Variants in SCML4 observed in about 807,000 individuals in gnomAD.
SCML4 encodes the protein sex comb on midleg-like protein 4.
In SCML4, 34 loss-of-function variants were observed where a neutral mutation model predicts 41.1. That is an observed-to-expected ratio of 0.83 (90% CI 0.63 to 1.10). The LOEUF (loss-of-function observed/expected upper bound fraction) is 1.10. SCML4 is among the 50% of genes least tolerant of loss of function. The pLI is 0.00. For missense variants in SCML4, 522 were observed against 534.1 expected (o/e 0.98, Z 0.22); for synonymous variants, 214 against 220.9 (o/e 0.97, Z 0.28).
chr6:107,831,837 A>G, the SCML4 span, among the ~76,000 whole-genome samples: 1 of 152,130 alleles, frequency 6.6e-6, no homozygotes, highest in Admixed American at 6.5e-5. Flanking sequence ...GAGGATCACA[A>G]GGTCAGGAGA....
intron 5 of SCML4, among the ~76,000 whole-genome samples, chr6:107,729,018 G>T (rs4945787): frequency 0.81 from 123,156 of 152,138 alleles, 50,090 homozygotes; most frequent in Admixed American, 0.87. Flanking sequence ...ACAGATGCAT[G>T]GATGGCCCTC....
At chr6:107,721,054 C>G (rs1424099523) in intron 5 of SCML4, 61 bp from the exon 6 acceptor site, 39 of 1,515,142 alleles carry the variant, frequency 2.6e-5, no homozygotes, top group Non-Finnish European at 3.3e-5. Context: ...AGCTATCAGA[C>G]CCTCCGTCTT....
intron 2 of SCML4, among the ~76,000 whole-genome samples, chr6:107,753,481 G>A (rs1334004231): frequency 6.6e-6 from 1 of 152,180 alleles, no homozygotes; most frequent in African/African-American, 2.4e-5. Context: ...TGGGAATGGG[G>A]AGTTATTGCT....
At chr6:107,806,219 A>C (rs1783721463) in intron 1 of SCML4, among the ~76,000 whole-genome samples, 3 of 150,510 alleles carry the variant, frequency 2.0e-5, no homozygotes, top group Admixed American at 2.0e-4. Context: ...GCAAGGGCTC[A>C]GCCTGACAAT....
chr6:107,767,834 C>T (rs901436117), intron 2 of SCML4, among the ~76,000 whole-genome samples: 1 of 152,076 alleles, frequency 6.6e-6, no homozygotes, highest in Admixed American at 6.5e-5. Flanking sequence ...TGTGTGACTT[C>T]GAGAATTGAG....
At chr6:107,711,355 C>T (rs1774194022) in intron 6 of SCML4, among the ~76,000 whole-genome samples, 1 of 152,066 alleles carries the variant, frequency 6.6e-6, no homozygotes, top group African/African-American at 2.4e-5. Flanking sequence ...GACGGTGGTC[C>T]CATAAGATGA....
At chr6:107,748,982 C>T (rs772431972) in intron 3 of SCML4, among the ~76,000 whole-genome samples, 11 of 152,164 alleles carry the variant, frequency 7.2e-5, no homozygotes, top group Non-Finnish European at 1.6e-4. Context: ...TGGGGTGACC[C>T]ACAGGGTGGA....
chr6:107,778,225 ATATATATAT>A (rs1781182145), intron 1 of SCML4, among the ~76,000 whole-genome samples: 9 of 6,330 alleles, frequency 1.4e-3, no homozygotes, highest in African/African-American at 2.1e-3. Flanking sequence ...AAAAAAAAAT[ATATATATAT>A]ATATATATAT....
chr6:107,793,731 G>A (rs1359836899), intron 1 of SCML4, among the ~76,000 whole-genome samples: 1 of 152,192 alleles, frequency 6.6e-6, no homozygotes, highest in Non-Finnish European at 1.5e-5. Flanking sequence ...TGGATCGCTT[G>A]AGCCCTGGAG....
chr6:107,821,026 G>T (rs1784911001), intron 1 of SCML4, among the ~76,000 whole-genome samples: 1 of 152,302 alleles, frequency 6.6e-6, no homozygotes, highest in East Asian at 1.9e-4. Flanking sequence ...TTTGCCAAAA[G>T]ACCAATTGTT....
At chr6:107,781,890 T>C (rs1781527964) in intron 1 of SCML4, among the ~76,000 whole-genome samples, 1 of 151,938 alleles carries the variant, frequency 6.6e-6, no homozygotes, top group Non-Finnish European at 1.5e-5. Flanking sequence ...TGGATGGGGG[T>C]ACAAGGAGCT....
intron 6 of SCML4, among the ~76,000 whole-genome samples, chr6:107,712,620 A>G (rs1349234441): frequency 3.3e-5 from 5 of 152,268 alleles, no homozygotes; most frequent in East Asian, 3.9e-4. Context: ...TTAGTCATAC[A>G]AGACAGAGGG....
chr6:107,720,553 C>T (rs376883679), intron 6 of SCML4, 150 bp downstream of exon 6: 7 of 1,419,740 alleles, frequency 4.9e-6, no homozygotes, highest in Non-Finnish European at 6.4e-6. Context: ...TTGAGAACCT[C>T]AAGATCCATG....
Position 107,704,358 on chromosome 6 carries a change from A to G in SCML4, c.*842T>C, listed in dbSNP as rs1214789134. ...TCCCATCTGGGTAGAGCGTGCTTCCAAATTCTTGCCTTTGCTAGTTGAGTA... is the reference window on the plus strand; with the variant it reads ...TCCCATCTGGGTAGAGCGTGCTTCCGAATTCTTGCCTTTGCTAGTTGAGTA... On this transcript the variant is annotated 3_prime_UTR_variant, in exon 8 of 8. Coordinates refer to ENST00000369020, the MANE Select transcript of SCML4 (RefSeq NM_198081.5). 1.3e-5 allele frequency: 2 copies of G among 152,238 alleles called. No homozygotes were observed. The highest frequency in any genetic ancestry group is 3.8e-4 in the East Asian group (2 of 5,202). The allele number at this position is 152,238 out of a possible 1,614,324, so 9.4% of individuals were successfully genotyped here.
At chr6:107,800,885 C>T (rs752212878) in intron 1 of SCML4, among the ~76,000 whole-genome samples, 8 of 152,198 alleles carry the variant, frequency 5.3e-5, no homozygotes, top group African/African-American at 9.7e-5. Flanking sequence ...CAGTGTTAAA[C>T]AGAGGAGGAC....
chr6:107,837,702 T>G, the SCML4 span, among the ~76,000 whole-genome samples: 18 of 152,208 alleles, frequency 1.2e-4, no homozygotes, highest in Admixed American at 4.6e-4. Flanking sequence ...CTATTTTCCC[T>G]AAGGATTTGT....
intron 1 of SCML4, among the ~76,000 whole-genome samples, chr6:107,795,016 A>T (rs1240535823): frequency 6.6e-6 from 1 of 152,144 alleles, no homozygotes; most frequent in Non-Finnish European, 1.5e-5. Flanking sequence ...ACCTTAATTT[A>T]TGACCTCATC....
the SCML4 span, among the ~76,000 whole-genome samples, chr6:107,843,568 T>C: frequency 2.0e-5 from 3 of 152,142 alleles, no homozygotes; most frequent in African/African-American, 4.8e-5. Context: ...CACACACAAG[T>C]ACACTTCCGT....
chr6:107,737,166 G>T (rs1777154574), intron 5 of SCML4, among the ~76,000 whole-genome samples: 1 of 152,210 alleles, frequency 6.6e-6, no homozygotes, highest in South Asian at 2.1e-4. Flanking sequence ...CTATCTAGCA[G>T]GAAGAAGAGA....
Sources: gnomAD v4.1 joint callset for allele counts (sites outside exome capture counted in the v4.1 genomes callset) on GRCh38, gnomAD v4.1.1 for gene constraint, MANE v1.5 for transcripts, NCBI Gene and HGNC (gene_info 2026-07-23, HGNC 2026-07-21) for gene names.